The following TTC28 variants were observed in gnomAD, a reference collection of about 807,000 sequenced individuals.
The protein encoded by TTC28 is tetratricopeptide repeat domain 28, also known as tetratricopeptide repeat protein 28.
TTC28 carries 61 observed loss-of-function variants against 198.0 expected under a neutral mutation model. The ratio of observed to expected loss-of-function variants is 0.31; its 90% CI spans 0.25 to 0.38. TTC28 has a LOEUF of 0.38. Among genes scored for constraint, TTC28 ranks in the 10% least tolerant of loss-of-function variants. The pLI is 1.00. For synonymous variants in TTC28, 1,171 were observed against 1,297.8 expected, an observed-to-expected ratio of 0.90 and a Z score of 2.10; for missense variants, 2,678 against 3,164.0, an observed-to-expected ratio of 0.85 and a Z score of 3.69.
chr22:28,389,349 G>A (rs1363875081), intron 2 of TTC28, among the ~76,000 whole-genome samples: 1 of 151,760 alleles, frequency 6.6e-6, no homozygotes, highest in Non-Finnish European at 1.5e-5. Flanking sequence ...GGATGATGCT[G>A]GCCTCATAAA....
chr22:28,517,590 T>C (rs2146414993), intron 2 of TTC28, among the ~76,000 whole-genome samples: 1 of 152,280 alleles, frequency 6.6e-6, no homozygotes, highest in South Asian at 2.1e-4. Flanking sequence ...TTCCAATTAA[T>C]TCAGTATACA....
At chr22:28,619,695 G>T (rs2029944078) in intron 2 of TTC28, among the ~76,000 whole-genome samples, 1 of 152,166 alleles carries the variant, frequency 6.6e-6, no homozygotes, top group South Asian at 2.1e-4. Context: ...AAACTAACTT[G>T]TTGTAACATG....
intron 5 of TTC28, among the ~76,000 whole-genome samples, chr22:28,261,453 C>T (rs1931313931): frequency 6.6e-6 from 1 of 152,004 alleles, no homozygotes; most frequent in Non-Finnish European, 1.5e-5. Context: ...GCTCAAGCTC[C>T]GAAAGGTCTT....
At chr22:28,371,571 T>A (rs1427039068) in intron 2 of TTC28, among the ~76,000 whole-genome samples, 1 of 75,416 alleles carries the variant, frequency 1.3e-5, no homozygotes, top group African/African-American at 5.4e-5. Context: ...TGGCAAAACC[T>A]CATCTTAACC....
intron 5 of TTC28, among the ~76,000 whole-genome samples, chr22:28,170,098 T>A (rs1922504752): frequency 1.3e-5 from 2 of 152,190 alleles, no homozygotes; most frequent in East Asian, 3.9e-4. Flanking sequence ...ATAACATATG[T>A]CATTTTAAGG....
chr22:28,206,888 G>A (rs1200994032), intron 5 of TTC28, among the ~76,000 whole-genome samples: 2 of 152,108 alleles, frequency 1.3e-5, no homozygotes, highest in Admixed American at 1.3e-4. Flanking sequence ...CAGATAATGG[G>A]GAGAAGTCCG....
At chr22:28,364,580 C>T (rs2145970600) in intron 2 of TTC28, among the ~76,000 whole-genome samples, 1 of 152,220 alleles carries the variant, frequency 6.6e-6, no homozygotes, top group East Asian at 1.9e-4. Flanking sequence ...TTATTAGAAA[C>T]ATTCATGATT....
chr22:28,091,592 G>C (rs1941815621), intron 12 of TTC28, among the ~76,000 whole-genome samples: 1 of 152,164 alleles, frequency 6.6e-6, no homozygotes, highest in African/African-American at 2.4e-5. Flanking sequence ...CTATCGAAAG[G>C]AGGGAGAGTC....
intron 6 of TTC28, among the ~76,000 whole-genome samples, chr22:28,109,061 T>G (rs1224139733): frequency 6.6e-6 from 1 of 152,218 alleles, no homozygotes. Flanking sequence ...CAAACGGCGC[T>G]CCTACTCTGA....
chr22:28,462,703 T>C (rs965733580), intron 2 of TTC28, among the ~76,000 whole-genome samples: 1 of 152,120 alleles, frequency 6.6e-6, no homozygotes, highest in Non-Finnish European at 1.5e-5. Context: ...AAATTGAGAA[T>C]ACCTGTAGTA....
At chr22:28,386,756 C>T (rs901208292) in intron 2 of TTC28, among the ~76,000 whole-genome samples, 2 of 152,146 alleles carry the variant, frequency 1.3e-5, no homozygotes, top group African/African-American at 4.8e-5. Flanking sequence ...TCACTTCTTG[C>T]AGTGTTTCCT....
intron 2 of TTC28, among the ~76,000 whole-genome samples, chr22:28,432,670 G>T (rs2047450749): frequency 6.6e-6 from 1 of 152,214 alleles, no homozygotes; most frequent in African/African-American, 2.4e-5. Context: ...AGCATATGCA[G>T]TTATGATTTA....
At chr22:28,157,495 C>A (rs183706746) in intron 6 of TTC28, among the ~76,000 whole-genome samples, 15 of 152,050 alleles carry the variant, frequency 9.9e-5, no homozygotes, top group Non-Finnish European at 2.1e-4. Context: ...AACTACAGGC[C>A]GATATCCCTG....
intron 17 of TTC28, among the ~76,000 whole-genome samples, chr22:27,995,455 AT>A (rs1221068762): frequency 6.6e-6 from 1 of 152,220 alleles, no homozygotes; most frequent in Non-Finnish European, 1.5e-5. Context: ...AGGTAGAAGG[AT>A]GAAACAAGTT....
intron 2 of TTC28, among the ~76,000 whole-genome samples, chr22:28,619,928 T>A (rs1187393795): frequency 6.6e-6 from 1 of 152,228 alleles, no homozygotes; most frequent in African/African-American, 2.4e-5. Flanking sequence ...AGATAACTTA[T>A]TTTAAGAAGA....
intron 12 of TTC28, among the ~76,000 whole-genome samples, chr22:28,032,168 G>GTATA (rs375645095): frequency 6.5e-4 from 59 of 91,074 alleles, no homozygotes; most frequent in African/African-American, 2.1e-3. Flanking sequence ...CTTAGTGTGT[G>GTATA]TATATATATA....
At chr22:28,012,268 A>G (rs1290923317) in intron 14 of TTC28, among the ~76,000 whole-genome samples, 4 of 152,226 alleles carry the variant, frequency 2.6e-5, no homozygotes, top group African/African-American at 9.6e-5. Context: ...AGTTTTGGTC[A>G]TCTCATTAAA....
chr22:28,461,193 G>A (rs2047945039), intron 2 of TTC28, among the ~76,000 whole-genome samples: 1 of 152,154 alleles, frequency 6.6e-6, no homozygotes, highest in Non-Finnish European at 1.5e-5. Flanking sequence ...AAGGCAGAAT[G>A]TCTATTGTTT....
At chr22:28,155,639 G>A in intron 6 of TTC28, among the ~76,000 whole-genome samples, 1 of 152,310 alleles carries the variant, frequency 6.6e-6, no homozygotes, top group African/African-American at 2.4e-5. Context: ...ATATGTGGAG[G>A]AAAGCTTAAG....
Sources: allele counts gnomAD v4.1 joint callset (sites outside exome capture counted in the v4.1 genomes callset), GRCh38; gene constraint gnomAD v4.1.1; transcripts MANE v1.5; gene names NCBI Gene and HGNC (gene_info 2026-07-23, HGNC 2026-07-21).